Variants in PPARGC1A observed in about 807,000 individuals in gnomAD.
PPARGC1A encodes the protein PPARG coactivator 1 alpha, also known as peroxisome proliferator-activated receptor gamma coactivator 1-alpha.
PPARGC1A carries 25 observed loss-of-function variants against 88.7 expected under a neutral mutation model. That is an observed-to-expected ratio of 0.28 (90% CI 0.21 to 0.39). The LOEUF (loss-of-function observed/expected upper bound fraction) is 0.39. PPARGC1A is among the 10% of genes least tolerant of loss of function. The probability of loss-of-function intolerance (pLI) is 1.00; values close to 1 mark genes in which losing one functional copy is unlikely to be tolerated. For synonymous variants in PPARGC1A, 363 were observed against 355.6 expected (o/e 1.02, Z -0.24); for missense variants, 880 against 968.7 (o/e 0.91, Z 1.22).
chr4:24,447,047 G>A, the PPARGC1A span, among the ~76,000 whole-genome samples: 89 of 152,208 alleles, frequency 5.8e-4, 1 homozygote, highest in East Asian at 0.017. Flanking sequence ...CTCCAAGACG[G>A]CCTTGCTCCA....
chr4:23,831,373 G>T (rs1724972025), intron 3 of PPARGC1A, 184 bp downstream of exon 3: 1 of 485,354 alleles, frequency 2.1e-6, no homozygotes, highest in African/African-American at 1.9e-5. Context: ...ACTACACGAA[G>T]ACGTGTATTA....
the PPARGC1A span, among the ~76,000 whole-genome samples, chr4:24,202,336 G>A: frequency 2.7e-4 from 41 of 152,208 alleles, no homozygotes; most frequent in Non-Finnish European, 4.6e-4. Context: ...CTGCCTCGGG[G>A]CCCAAAAACA....
At chr4:24,426,876 G>C in the PPARGC1A span, among the ~76,000 whole-genome samples, 9 of 152,292 alleles carry the variant, frequency 5.9e-5, no homozygotes, top group East Asian at 1.5e-3. Context: ...CATACACAGA[G>C]AGCGGGCTCC....
the PPARGC1A span, among the ~76,000 whole-genome samples, chr4:24,220,052 A>C: frequency 6.6e-6 from 1 of 152,264 alleles, no homozygotes. Flanking sequence ...CCCATTAAAA[A>C]GTGGAACAAA....
intron 1 of PPARGC1A, chr4:23,899,228 T>C (rs1225152999): frequency 1.3e-5 from 2 of 152,216 alleles, no homozygotes; most frequent in African/African-American, 4.8e-5. Flanking sequence ...ACCTAACATT[T>C]TGTACAGCCA....
chr4:24,463,170 G>T, the PPARGC1A span, among the ~76,000 whole-genome samples: 6 of 152,056 alleles, frequency 3.9e-5, no homozygotes, highest in African/African-American at 1.4e-4. Context: ...TAAATCGTGG[G>T]ATCTAAAAAT....
chr4:24,278,301 G>A, the PPARGC1A span, among the ~76,000 whole-genome samples: 1 of 152,154 alleles, frequency 6.6e-6, no homozygotes, highest in Non-Finnish European at 1.5e-5. Context: ...AGGAGTTCAA[G>A]GGGTGTTATA....
chr4:23,991,467 G>T, the PPARGC1A span, among the ~76,000 whole-genome samples: 1 of 151,618 alleles, frequency 6.6e-6, no homozygotes, highest in South Asian at 2.1e-4. Context: ...TCAAACCTGG[G>T]GGCTCCTCCA....
the PPARGC1A span, among the ~76,000 whole-genome samples, chr4:24,323,213 A>G: frequency 6.6e-6 from 1 of 152,160 alleles, no homozygotes; most frequent in Non-Finnish European, 1.5e-5. Context: ...GAGATTTTCT[A>G]GTCAAAAAAG....
At chr4:23,868,435 TTCTC>T (rs753074850) in intron 2 of PPARGC1A, among the ~76,000 whole-genome samples, 2 of 152,172 alleles carry the variant, frequency 1.3e-5, no homozygotes, top group African/African-American at 4.8e-5. Context: ...TCATGTTATA[TTCTC>T]TCTCTCTTTC....
the PPARGC1A span, among the ~76,000 whole-genome samples, chr4:24,166,128 G>C: frequency 1.3e-5 from 2 of 152,186 alleles, no homozygotes; most frequent in Non-Finnish European, 2.9e-5. Context: ...GAGAAAGTTT[G>C]AGTGGCCTAG....
At chr4:24,166,036 A>C in the PPARGC1A span, among the ~76,000 whole-genome samples, 1 of 152,210 alleles carries the variant, frequency 6.6e-6, no homozygotes, top group African/African-American at 2.4e-5. Context: ...ATGCAGAGGA[A>C]AAGTTGTTGG....
chr4:24,255,334 T>C, the PPARGC1A span, among the ~76,000 whole-genome samples: 1 of 152,340 alleles, frequency 6.6e-6, no homozygotes, highest in East Asian at 1.9e-4. Context: ...CTTTGGCAAA[T>C]ATGAAATGTA....
chr4:24,110,625 C>T, the PPARGC1A span, among the ~76,000 whole-genome samples: 1 of 152,050 alleles, frequency 6.6e-6, no homozygotes, highest in South Asian at 2.1e-4. Flanking sequence ...GAACTTGGTA[C>T]AATAATGGCC....
At chr4:24,329,158 G>A in the PPARGC1A span, among the ~76,000 whole-genome samples, 1,024 of 152,166 alleles carry the variant, frequency 6.7e-3, 15 homozygotes, top group African/African-American at 0.023. Flanking sequence ...TGAGAATGCT[G>A]GGATTATTGC....
At chr4:23,821,037 A>C (rs1019890628) in intron 7 of PPARGC1A, among the ~76,000 whole-genome samples, 1 of 152,142 alleles carries the variant, frequency 6.6e-6, no homozygotes, top group Non-Finnish European at 1.5e-5. Flanking sequence ...TCACTAATTG[A>C]TCATGACATT....
the PPARGC1A span, among the ~76,000 whole-genome samples, chr4:24,311,169 G>A: frequency 2.5e-5 from 3 of 120,732 alleles, no homozygotes; most frequent in Non-Finnish European, 4.8e-5. Context: ...GCGAGATCTC[G>A]GCTCACTGCA....
chr4:23,892,241 C>A (rs571128636), upstream of PPARGC1A, among the ~76,000 whole-genome samples: 1 of 152,268 alleles, frequency 6.6e-6, no homozygotes, highest in East Asian at 1.9e-4. Context: ...CAAATCAGCA[C>A]ATGCACTGAA....
chr4:23,901,589 A>G (rs1719393443), upstream of PPARGC1A, among the ~76,000 whole-genome samples: 2 of 152,106 alleles, frequency 1.3e-5, no homozygotes, highest in South Asian at 4.2e-4. Context: ...TAAGACATCC[A>G]TATGGTGCAT....
Sources: allele counts gnomAD v4.1 joint callset (sites outside exome capture counted in the v4.1 genomes callset), GRCh38; gene constraint gnomAD v4.1.1; transcripts MANE v1.5; gene names NCBI Gene and HGNC (gene_info 2026-07-23, HGNC 2026-07-21).